FGF14: variants seen among roughly 807,000 people sequenced by gnomAD.
The protein encoded by FGF14 is fibroblast growth factor 14, also known as fibroblast growth factor homologous factor 4.
A neutral mutation model predicts 25.5 loss-of-function variants in FGF14; 5 were observed. That is an observed-to-expected ratio of 0.20 (90% CI 0.10 to 0.41). FGF14 has a LOEUF of 0.41. FGF14 is among the 10% of genes least tolerant of loss of function. FGF14 has a pLI of 1.00. For synonymous variants in FGF14, 138 were observed against 118.3 expected, an observed-to-expected ratio of 1.17 and a Z score of -1.08; for missense variants, 222 against 320.1, an observed-to-expected ratio of 0.69 and a Z score of 2.34.
upstream of FGF14, among the ~76,000 whole-genome samples, chr13:101,921,401 T>C (rs1399385677): frequency 3.3e-5 from 5 of 152,220 alleles, no homozygotes; most frequent in East Asian, 7.7e-4. Flanking sequence ...TCTTCCTTCT[T>C]AAACCTGTTC....
chr13:101,854,160 A>G (rs61965164), intron 3 of FGF14, among the ~76,000 whole-genome samples: 3,033 of 152,244 alleles, frequency 0.02, 52 homozygotes, highest in Middle Eastern at 0.045. Flanking sequence ...CTGTGTGCGT[A>G]CAATTTAGAA....
intron 1 of FGF14, among the ~76,000 whole-genome samples, chr13:102,232,965 C>T (rs1054359427): frequency 1.3e-5 from 2 of 152,116 alleles, no homozygotes; most frequent in South Asian, 2.1e-4. Flanking sequence ...CCACCTTTTC[C>T]GGTGCTGCCT....
chr13:102,218,335 A>G (rs927281937), intron 1 of FGF14, among the ~76,000 whole-genome samples: 4 of 152,094 alleles, frequency 2.6e-5, no homozygotes, highest in Non-Finnish European at 5.9e-5. Flanking sequence ...TGACTCCACA[A>G]GAAAAGGGTC....
rs190019419 is a variant in FGF14 at position 102,239,176 on chromosome 13, A to G, written c.208+162295T>C. 2.1e-4 allele frequency among the ~76,000 whole-genome samples: 32 copies of G among 152,262 alleles called. No individual in the cohort carries two copies. The East Asian group carries it at 5.2e-3, about 25-fold the overall frequency. On this transcript the variant is annotated intron_variant, in intron 1 of 4. Transcript: ENST00000376131. Reference sequence around the variant, plus strand: ...TCCAAAGCCCTGAAGTAGCAATTGCATTGTAGAAATGTCTATTACCCAGTT... The same window carrying G: ...TCCAAAGCCCTGAAGTAGCAATTGCGTTGTAGAAATGTCTATTACCCAGTT...
At chr13:101,846,025 C>G (rs1353313982) in intron 3 of FGF14, among the ~76,000 whole-genome samples, 3 of 151,950 alleles carry the variant, frequency 2.0e-5, no homozygotes, top group Admixed American at 6.6e-5. Flanking sequence ...TGGACAGTTA[C>G]TTTCATAGAA....
intron 1 of FGF14, among the ~76,000 whole-genome samples, chr13:102,049,071 T>TA (rs11440928): frequency 0.035 from 5,356 of 152,000 alleles, 294 homozygotes; most frequent in African/African-American, 0.12. Flanking sequence ...GAAAACAATG[T>TA]AAAAAATCAA....
chr13:102,044,268 T>C (rs2041876797), intron 1 of FGF14, among the ~76,000 whole-genome samples: 1 of 152,156 alleles, frequency 6.6e-6, no homozygotes, highest in Non-Finnish European at 1.5e-5. Context: ...CTCCTCCTGG[T>C]AGATGCTGTC....
chr13:101,815,698 A>C (rs2041807267), intron 3 of FGF14, among the ~76,000 whole-genome samples: 1 of 152,052 alleles, frequency 6.6e-6, no homozygotes, highest in Non-Finnish European at 1.5e-5. Flanking sequence ...TTGCAGCTGG[A>C]AGAGGATGGT....
intron 1 of FGF14, among the ~76,000 whole-genome samples, chr13:102,282,132 T>A (rs2053871894): frequency 6.6e-6 from 1 of 151,492 alleles, no homozygotes; most frequent in African/African-American, 2.4e-5. Flanking sequence ...AATGGCACGA[T>A]CTCGGCTCAC....
rs191802412 is a variant in FGF14, at chr13:102,393,932, C to G, written c.208+7539G>C. 320 of 152,290 alleles carry G rather than the reference C, an allele frequency of 2.1e-3. 1 individual carries two copies. Among genetic ancestry groups the G allele is most frequent in the African/African-American group, 7.2e-3 (299 of 41,554 alleles). 9.4% of individuals were successfully genotyped at this position (152,290 alleles called of 1,614,324 possible). On this transcript the variant is annotated intron_variant, in intron 1 of 4. Coordinates refer to the FGF14 transcript ENST00000376131. ...ATTTAAATATATAGTTAACATAGTCCGGGAGAGATACAGGGAAGGGGTGAG... is the reference window on the plus strand; with the variant it reads ...ATTTAAATATATAGTTAACATAGTCGGGGAGAGATACAGGGAAGGGGTGAG...
At chr13:101,936,027 G>A (rs2035078766) in intron 1 of FGF14, among the ~76,000 whole-genome samples, 1 of 152,136 alleles carries the variant, frequency 6.6e-6, no homozygotes, top group Non-Finnish European at 1.5e-5. Flanking sequence ...ATCTGTCCAT[G>A]GTCTTAAACA....
At chr13:101,867,891 C>G (rs928222966) in intron 3 of FGF14, among the ~76,000 whole-genome samples, 1 of 52,628 alleles carries the variant, frequency 1.9e-5, no homozygotes, top group Non-Finnish European at 3.7e-5. Flanking sequence ...CTGTTTAAGA[C>G]ACACACACAC....
At chr13:102,329,591 T>G (rs1386157402) in intron 1 of FGF14, among the ~76,000 whole-genome samples, 2 of 152,204 alleles carry the variant, frequency 1.3e-5, no homozygotes, top group East Asian at 3.9e-4. Flanking sequence ...TAATCCTTGG[T>G]GATTTCCCTT....
intron 1 of FGF14, among the ~76,000 whole-genome samples, chr13:102,310,877 G>A (rs913735176): frequency 2.0e-5 from 3 of 151,946 alleles, no homozygotes; most frequent in African/African-American, 7.3e-5. Context: ...TCTCCCTTGG[G>A]GGTGGGAAGT....
intron 1 of FGF14, among the ~76,000 whole-genome samples, chr13:102,390,002 T>C (rs1343565481): frequency 6.6e-6 from 1 of 152,136 alleles, no homozygotes; most frequent in Non-Finnish European, 1.5e-5. Flanking sequence ...GTTTAAAAAA[T>C]AAAACAGAAG....
At position 101,722,775 on chromosome 13, in the gene FGF14, A is replaced by AG. The variant is rs2035077942; in HGVS notation, c.*55_*56insC. 1.2e-6 allele frequency: 2 copies of AG among 1,607,436 alleles called. No homozygotes were observed. The highest frequency in any genetic ancestry group is 1.7e-6 in the Non-Finnish European group (2 of 1,174,414). On this transcript the variant is annotated 3_prime_UTR_variant, in exon 5 of 5. Coordinates refer to ENST00000376143, the MANE Select transcript of FGF14 (RefSeq NM_004115.4). ...CACGGAGCAGGAATGTCTGGTGAGG[A>AG]TAAATCACTCAACTGTGCTCAGGAC... is the stretch of plus-strand genomic sequence containing the variant.
At chr13:101,803,346 T>C (rs189495863) in intron 3 of FGF14, among the ~76,000 whole-genome samples, 2 of 152,124 alleles carry the variant, frequency 1.3e-5, no homozygotes, top group African/African-American at 4.8e-5. Context: ...CCAAGGCTTG[T>C]CTTGAACTCC....
intron 1 of FGF14, among the ~76,000 whole-genome samples, chr13:101,954,827 A>G (rs1332301800): frequency 2.0e-5 from 3 of 152,250 alleles, no homozygotes; most frequent in Non-Finnish European, 4.4e-5. Flanking sequence ...CAGAGACTGA[A>G]GGAAATCAGT....
chr13:101,912,104 T>C (rs2033004819), intron 1 of FGF14, among the ~76,000 whole-genome samples: 1 of 152,106 alleles, frequency 6.6e-6, no homozygotes, highest in East Asian at 1.9e-4. Flanking sequence ...AGGACACTTT[T>C]CTTAGAATAA....
Sources: allele counts gnomAD v4.1 joint callset (sites outside exome capture counted in the v4.1 genomes callset), GRCh38; gene constraint gnomAD v4.1.1; transcripts MANE v1.5; gene names NCBI Gene and HGNC (gene_info 2026-07-23, HGNC 2026-07-21).